PROS1: variants seen among roughly 807,000 people sequenced by gnomAD.
The protein encoded by PROS1 is vitamin K-dependent protein S.
A neutral mutation model predicts 75.9 loss-of-function variants in PROS1; 29 were observed. That is an observed-to-expected ratio of 0.38 (90% confidence interval 0.28 to 0.52). The LOEUF (loss-of-function observed/expected upper bound fraction) is 0.52. Ranked by LOEUF, PROS1 falls within the 20% of genes least tolerant of loss-of-function variation. PROS1 has a pLI of 0.83. For synonymous variants in PROS1, 245 were observed against 280.6 expected, an observed-to-expected ratio of 0.87 and a Z score of 1.27; for missense variants, 680 against 810.3, an observed-to-expected ratio of 0.84 and a Z score of 1.95.
At chr3:93,926,523 T>C (rs1709019583) in intron 2 of PROS1, among the ~76,000 whole-genome samples, 1 of 152,092 alleles carries the variant, frequency 6.6e-6, no homozygotes, top group South Asian at 2.1e-4. Flanking sequence ...TCCCACCTAC[T>C]CAGGTGGCTG....
At chr3:93,927,923 A>T (rs1230861258) in intron 1 of PROS1, among the ~76,000 whole-genome samples, 1 of 134,246 alleles carries the variant, frequency 7.4e-6, no homozygotes, top group Non-Finnish European at 1.6e-5. Flanking sequence ...GTATATATAT[A>T]TGTGTATATA....
chr3:93,897,578 A>G lies in PROS1; in HGVS notation c.849+870T>C, dbSNP rs140559782. Among the ~76,000 whole-genome samples, 480 of 152,200 alleles carry G rather than the reference A, an allele frequency of 3.2e-3. 1 individual carries two copies. The highest frequency in any genetic ancestry group is 0.01 in the African/African-American group (430 of 41,574). ...TAAGTAGTAACGTACCAAAATTACAACAAATGCCAACTAGCTTATTACCAA... is the reference window on the plus strand; with the variant it reads ...TAAGTAGTAACGTACCAAAATTACAGCAAATGCCAACTAGCTTATTACCAA... On this transcript the variant is annotated intron_variant, in intron 8 of 14. Coordinates refer to ENST00000394236, the MANE Select transcript of PROS1 (RefSeq NM_000313.4).
chr3:93,905,993 G>C (rs374114050), intron 5 of PROS1, 28 bp downstream of exon 5: 2 of 1,613,726 alleles, frequency 1.2e-6, no homozygotes, highest in African/African-American at 2.7e-5. Flanking sequence ...ATCCTGATGA[G>C]CTGGGGGGCG....
intron 1 of PROS1, among the ~76,000 whole-genome samples, chr3:93,965,797 C>A (rs1184337674): frequency 6.6e-6 from 1 of 152,144 alleles, no homozygotes; most frequent in Admixed American, 6.5e-5. Flanking sequence ...CAGGTCCCAG[C>A]GATTCTCCTG....
chr3:93,953,065 T>C (rs944481272), intron 1 of PROS1, among the ~76,000 whole-genome samples: 1 of 152,020 alleles, frequency 6.6e-6, no homozygotes, highest in East Asian at 1.9e-4. Flanking sequence ...AATAACAGGC[T>C]CTGAAATTGA....
chr3:93,896,587 T>C lies in PROS1; in HGVS notation c.954A>G (p.Pro318=). The part of the protein sequence containing the change: ...GVVLYLKFRL[P]EISRFSAEFD... ...TATTGGTTCCTCACCTGCTGATTTC[T>C]GGCAAACGAAATTTTAAATATAAAA... Residue 318 remains proline (P), a synonymous_variant, in exon 9 of 15, where the codon CCA becomes CCG. Transcript: ENST00000394236. 1 of 1,610,072 alleles carries C rather than the reference T, an allele frequency of 6.2e-7. No individual in the cohort carries two copies. The highest frequency in any genetic ancestry group is 8.5e-7 in the Non-Finnish European group (1 of 1,176,434).
intron 1 of PROS1, among the ~76,000 whole-genome samples, chr3:93,945,020 C>G (rs904746337): frequency 2.6e-5 from 4 of 152,158 alleles, no homozygotes; most frequent in African/African-American, 9.7e-5. Context: ...AAACTACCAT[C>G]AGAGAATACT....
At chr3:93,884,965 G>T (rs966617592) in intron 11 of PROS1, 69 bp from the exon 12 acceptor site, 1 of 1,299,648 alleles carries the variant, frequency 7.7e-7, no homozygotes, top group Admixed American at 2.5e-5. Flanking sequence ...ATGAGTATAG[G>T]TTTTCATTAA....
chr3:93,880,720 C>T (rs1708264688), intron 12 of PROS1, among the ~76,000 whole-genome samples: 1 of 152,012 alleles, frequency 6.6e-6, no homozygotes, highest in Admixed American at 6.6e-5. Flanking sequence ...CTAAAATGAA[C>T]ACACGAATGT....
chr3:93,914,744 G>C (rs1258891248), intron 3 of PROS1, among the ~76,000 whole-genome samples: 2 of 152,212 alleles, frequency 1.3e-5, no homozygotes, highest in African/African-American at 4.8e-5. Flanking sequence ...TTCTTTAATA[G>C]TGATTCCTGA....
At chr3:93,973,472 G>C (rs1255481810) in intron 1 of PROS1, 2 of 609,588 alleles carry the variant, frequency 3.3e-6, no homozygotes, top group African/African-American at 3.8e-5. Context: ...ATACATTCTC[G>C]CAACTGTGCA....
chr3:93,891,378 G>A (rs1170092638), intron 10 of PROS1, among the ~76,000 whole-genome samples: 1 of 152,062 alleles, frequency 6.6e-6, no homozygotes, highest in East Asian at 1.9e-4. Context: ...TTGATCATTA[G>A]ATTAAAGGCT....
At chr3:93,913,094 T>C (rs374553645) in intron 3 of PROS1, among the ~76,000 whole-genome samples, 2 of 152,184 alleles carry the variant, frequency 1.3e-5, no homozygotes, top group East Asian at 3.8e-4. Flanking sequence ...GGTAATTGAA[T>C]CAGGGGGGCG....
chr3:93,887,411 A>T (rs116797663), intron 10 of PROS1, among the ~76,000 whole-genome samples: 2,397 of 152,292 alleles, frequency 0.016, 75 homozygotes, highest in African/African-American at 0.055. Flanking sequence ...GTAAACAACA[A>T]TAAAAATTCC....
rs117064526 is a variant in PROS1 at position 93,926,688 on chromosome 3, A to G, written c.234+562T>C. On this transcript the variant is annotated intron_variant, in intron 2 of 14. Coordinates refer to ENST00000394236, the MANE Select transcript of PROS1 (RefSeq NM_000313.4). The stretch of plus-strand genomic sequence containing the variant: ...AGAAATTTAATGAAGCATTGTAATA[A>G]TAATCCAAACTAGCATGCATGCGTG... 8.0e-4 allele frequency among the ~76,000 whole-genome samples: 122 copies of G among 152,382 alleles called. 2 individuals carry two copies. The East Asian group carries it at 0.022, about 28-fold the overall frequency.
chr3:93,884,179 A>C (rs1559929406), intron 12 of PROS1, among the ~76,000 whole-genome samples: 1 of 152,216 alleles, frequency 6.6e-6, no homozygotes, highest in Non-Finnish European at 1.5e-5. Flanking sequence ...ATGGTACACA[A>C]AGATGCAAGA....
intron 3 of PROS1, among the ~76,000 whole-genome samples, chr3:93,912,300 G>A: frequency 6.6e-6 from 1 of 152,204 alleles, no homozygotes; most frequent in Admixed American, 6.5e-5. Context: ...CTGCCATCCT[G>A]TTATAAGGAC....
At position 93,893,081 on chromosome 3, in the gene PROS1, C is replaced by A; in HGVS notation, c.1007G>T (p.Gly336Val). 6.2e-7 allele frequency: 1 copy of A among 1,614,044 alleles called. No homozygotes were observed. Among genetic ancestry groups the A allele is most frequent in the Non-Finnish European group, 8.5e-7 (1 of 1,179,970 alleles). ...EFDFRTYDSE[G>V]VILYAESIDH... Reference sequence around the variant, plus strand: ...GATAGATTCTGCGTACAGTATCACGCCTTCTGAATCATATGTCCGGAAATC... The same window carrying A: ...GATAGATTCTGCGTACAGTATCACGACTTCTGAATCATATGTCCGGAAATC... Residue 336 changes from glycine (G) to valine (V), a missense_variant, in exon 10 of 15, where the codon GGC becomes GTC. Coordinates refer to ENST00000394236, the MANE Select transcript of PROS1 (RefSeq NM_000313.4).
At chr3:93,928,816 A>G in intron 1 of PROS1, 1 of 1,022,072 alleles carries the variant, frequency 9.8e-7, no homozygotes, top group South Asian at 1.4e-5. Context: ...AAAACAATAT[A>G]AACAATCATA....
Sources: allele counts gnomAD v4.1 joint callset (sites outside exome capture counted in the v4.1 genomes callset), GRCh38; gene constraint gnomAD v4.1.1; transcripts MANE v1.5; gene names NCBI Gene and HGNC (gene_info 2026-07-23, HGNC 2026-07-21).